Variants in IL11RA observed in about 807,000 individuals in gnomAD.
The protein encoded by IL11RA is interleukin-11 receptor subunit alpha.
Under a neutral mutation model 57.0 loss-of-function variants are expected in IL11RA, and 51 were observed. That is an observed-to-expected ratio of 0.89 (90% CI 0.71 to 1.13). The LOEUF (loss-of-function observed/expected upper bound fraction) is 1.13, where lower values mean the gene tolerates loss of function less well. IL11RA is among the 50% of genes most tolerant of loss of function. The pLI, the probability that IL11RA is intolerant of heterozygous loss-of-function variation, is 0.00. For synonymous variants in IL11RA, 199 were observed against 217.5 expected (o/e 0.91, Z 0.75); for missense variants, 498 against 539.4 (o/e 0.92, Z 0.76).
intron 11 of IL11RA, 68 bp from the exon 12 acceptor site, chr9:34,660,786 A>G: frequency 7.0e-7 from 1 of 1,428,184 alleles, no homozygotes; most frequent in Non-Finnish European, 9.9e-7. Flanking sequence ...CCCTTTACTA[A>G]TAAACCCTTT....
Position 34,661,699 on chromosome 9 carries a change from G to GAA in IL11RA, c.*201_*202insAA. The GAA allele has an allele frequency of 1.4e-6, 1 of 732,106 alleles. No homozygotes were observed. The highest frequency in any genetic ancestry group is 2.4e-6 in the Non-Finnish European group (1 of 420,286). 45.4% of individuals were successfully genotyped at this position (732,106 alleles called of 1,614,324 possible). ...GATTTCACCCCAGAGTTGGAGTTCT[G>GAA]CTCAAGGAACGTGTGTAATGTGTAC... is the stretch of plus-strand genomic sequence containing the variant. On this transcript the variant is annotated 3_prime_UTR_variant, in exon 13 of 13. Coordinates refer to ENST00000441545, the MANE Select transcript of IL11RA (RefSeq NM_001142784.3).
intron 1 of IL11RA, 30 bp from the exon 2 acceptor site, chr9:34,655,188 G>C: frequency 6.6e-7 from 1 of 1,506,352 alleles, no homozygotes; most frequent in Non-Finnish European, 9.2e-7. Flanking sequence ...CTCAGGGGTC[G>C]GGGATTTTTG....
Position 34,658,435 on chromosome 9 carries a change from C to A in IL11RA, c.647-85C>A. On this transcript the variant is annotated intron_variant, in intron 7 of 12. Transcript: ENST00000441545. This position sits in a 1 kb window ranked among gnomAD's most constrained non-coding sequence, Gnocchi z 4.0. The stretch of plus-strand genomic sequence containing the variant: ...CCCTCTCAGGAGTGTCTGGCTAAGG[C>A]TCCTTTAAACACACACTTTGGGAAG... 2 of 1,368,038 alleles carry A rather than the reference C, an allele frequency of 1.5e-6. No homozygotes were observed. Among genetic ancestry groups the A allele is most frequent in the Non-Finnish European group, 1.0e-6 (1 of 956,046 alleles). 84.7% of individuals were successfully genotyped at this position (1,368,038 alleles called of 1,614,324 possible). A position where few individuals can be genotyped will look rare whatever the true frequency, so the allele number is the denominator to read the frequency against.
In IL11RA at chr9:34,661,796, G is replaced by A. The variant is rs1821463003; in HGVS notation, c.*298G>A. The A allele has an allele frequency of 1.2e-6, 1 of 869,346 alleles. No individual in the cohort carries two copies. The allele number at this position is 869,346 out of a possible 1,614,324, so 53.9% of individuals were successfully genotyped here. A position where few individuals can be genotyped will look rare whatever the true frequency, so the allele number is the denominator to read the frequency against. ...ATTCTCTGCATGCATGTATGTAGGT[G>A]CCTGGGGAGTGTGTGTGGGTCCTTG... On this transcript the variant is annotated 3_prime_UTR_variant, in exon 13 of 13. Transcript: ENST00000441545.
rs1396346676 is a variant in IL11RA at position 34,656,880 on chromosome 9, TGGG to T, written c.306_308del (p.Gly103del). 2.1e-5 allele frequency: 34 copies of T among 1,613,988 alleles called. No individual in the cohort carries two copies. The highest frequency in any genetic ancestry group is 2.7e-5 in the Non-Finnish European group (32 of 1,180,022). On this transcript the variant is annotated inframe_deletion, in exon 4 of 13. Coordinates refer to ENST00000441545, the MANE Select transcript of IL11RA (RefSeq NM_001142784.3). ...TCTGCCAGACCCTGGATGGTGCACT[TGGG>T]GGCACAGTGACCCTGCAGCTGGGCT...
intron 11 of IL11RA, 124 bp downstream of exon 11, chr9:34,660,724 C>A: frequency 8.6e-7 from 1 of 1,156,584 alleles, no homozygotes; most frequent in Non-Finnish European, 1.3e-6. Context: ...AACTACCTCC[C>A]CATACCTCCA....
chr9:34,655,938 G>A (rs1279454646), intron 3 of IL11RA: 1 of 512,358 alleles, frequency 2.0e-6, no homozygotes, highest in Non-Finnish European at 3.6e-6. Flanking sequence ...TCTTAGTGGG[G>A]AAGACAATAA....
chr9:34,656,023 C>A, intron 3 of IL11RA: 1 of 335,110 alleles, frequency 3.0e-6, no homozygotes, highest in Non-Finnish European at 5.8e-6. Flanking sequence ...AAGAGGACAA[C>A]TGAGTGGTTA....
Position 34,660,516 on chromosome 9 carries a change from C to A in IL11RA, c.1085C>A (p.Ser362Tyr). The A allele has an allele frequency of 1.2e-6, 2 of 1,614,154 alleles. No individual in the cohort carries two copies. Among genetic ancestry groups the A allele is most frequent in the Non-Finnish European group, 1.7e-6 (2 of 1,179,970 alleles). Reference protein sequence around the residue: ...PHPRLLDHRDSVEQVAVLASL... With the variant: ...PHPRLLDHRDYVEQVAVLASL... ...CCCTCCCCCTCAGATCACAGGGACT[C>A]TGTGGAGCAGGTAGCTGTGCTGGCG... Residue 362 changes from serine (S) to tyrosine (Y), a missense_variant, in exon 11 of 13, where the codon TCT becomes TAT. Transcript: ENST00000441545.
Position 34,661,517 on chromosome 9 carries a change from G to C in IL11RA, c.*19G>C. The stretch of plus-strand genomic sequence containing the variant: ...CCTGTAGAGGACCCAGGAGGGCTTC[G>C]GCAGATTCCACCTATAATTCTGTCT... On this transcript the variant is annotated 3_prime_UTR_variant, in exon 13 of 13. Transcript: ENST00000441545. The C allele has an allele frequency of 6.2e-7, 1 of 1,613,178 alleles. No individual in the cohort carries two copies. Among genetic ancestry groups the C allele is most frequent in the Non-Finnish European group, 8.5e-7 (1 of 1,179,304 alleles).
Position 34,661,473 on chromosome 9 carries a change from T to C in IL11RA, c.1253-9T>C, listed in dbSNP as rs188353240. On this transcript the variant is annotated splice_polypyrimidine_tract_variant and intron_variant, in intron 12 of 12. Transcript: ENST00000441545. The stretch of plus-strand genomic sequence containing the variant: ...CTGTCTCTCCTGATTTGCCTCCTGC[T>C]TCTTCTAGGAGCTCCAAACCTGTAG... The C allele has an allele frequency of 4.3e-5, 70 of 1,613,518 alleles. No homozygotes were observed. Among genetic ancestry groups the C allele is most frequent in the Admixed American group, 1.0e-4 (6 of 59,996 alleles).
At position 34,660,287 on chromosome 9, in the gene IL11RA, G is replaced by A. The variant is rs1228110585; in HGVS notation, c.966G>A (p.Lys322=). 1 of 1,614,122 alleles carries A rather than the reference G, an allele frequency of 6.2e-7. No homozygotes were observed. The highest frequency in any genetic ancestry group is 2.2e-5 in the East Asian group (1 of 44,894). Residue 322 remains lysine, a synonymous_variant, in exon 10 of 13, where the codon AAG becomes AAA. Coordinates refer to ENST00000441545, the MANE Select transcript of IL11RA (RefSeq NM_001142784.3). ...WGTPSTGTIP[K]EIPAWGQLHT... ...GCCTTCCTTTAGGGACCATACCAAA[G>A]GAGATACCAGCATGGGGCCAGCTAC...
chr9:34,658,450 A>C lies in IL11RA; in HGVS notation c.647-70A>C. 1 of 1,509,698 alleles carries C rather than the reference A, an allele frequency of 6.6e-7. No individual in the cohort carries two copies. The highest frequency in any genetic ancestry group is 9.2e-7 in the Non-Finnish European group (1 of 1,084,896). 93.5% of individuals were successfully genotyped at this position (1,509,698 alleles called of 1,614,324 possible). On this transcript the variant is annotated intron_variant, in intron 7 of 12. Transcript: ENST00000441545. This position sits in a 1 kb window ranked among gnomAD's most constrained non-coding sequence, Gnocchi z 4.0. ...CTGGCTAAGGCTCCTTTAAACACAC[A>C]CTTTGGGAAGTGGTGGGGAAGTGAT...
chr9:34,656,976 C>T (rs950183315), intron 4 of IL11RA, 59 bp from the exon 5 acceptor site: 3 of 1,611,328 alleles, frequency 1.9e-6, no homozygotes, highest in Non-Finnish European at 2.5e-6. Context: ...TAAGTAAGCC[C>T]TCTGGGACCA....
rs1821382511 is a variant in IL11RA, at chr9:34,658,133, T to C, written c.647-387T>C. Reference sequence around the variant, plus strand: ...TTGGCTCACTGAAGCCTGCAACTCCTGGGCTCAAGCTATCCCCTCACCTCA... The same window carrying C: ...TTGGCTCACTGAAGCCTGCAACTCCCGGGCTCAAGCTATCCCCTCACCTCA... On this transcript the variant is annotated intron_variant, in intron 7 of 12. Transcript: ENST00000441545. The surrounding 1 kb of genome is among the most constrained non-coding windows in gnomAD (Gnocchi z 4.0). 6.6e-6 allele frequency among the ~76,000 whole-genome samples: 1 copy of C among 152,166 alleles called. No individual in the cohort carries two copies. Among genetic ancestry groups the C allele is most frequent in the Admixed American group, 6.5e-5 (1 of 15,278 alleles).
intron 8 of IL11RA, among the ~76,000 whole-genome samples, chr9:34,659,175 G>A (rs142495922): frequency 1.6e-4 from 25 of 152,136 alleles, no homozygotes; most frequent in African/African-American, 6.0e-4. Context: ...TGCCCACCTC[G>A]GCCTCCCAAA....
intron 3 of IL11RA, among the ~76,000 whole-genome samples, chr9:34,656,494 TC>T (rs1165407585): frequency 6.6e-6 from 1 of 151,976 alleles, no homozygotes; most frequent in Non-Finnish European, 1.5e-5. Flanking sequence ...GGGAATGAGC[TC>T]AATACCCCCG....
rs761590275 is a variant in IL11RA, at chr9:34,658,661, C to T, written c.788C>T (p.Ala263Val). 18 of 1,613,424 alleles carry T rather than the reference C, an allele frequency of 1.1e-5. No individual in the cohort carries two copies. The highest frequency in any genetic ancestry group is 2.7e-5 in the African/African-American group (2 of 74,946). The change falls in exon 8 of 13, where the codon GCG (alanine) becomes GTG (valine). Residue 263 changes from alanine to valine, a missense_variant. Transcript: ENST00000441545. This position sits in a 1 kb window ranked among gnomAD's most constrained non-coding sequence, Gnocchi z 4.0. ...AAGTTCCGTTTGCAGTACCGTCCGG[C>T]GCAGCATCCAGCCTGGTCCACGGTG... is the stretch of plus-strand genomic sequence containing the variant. ...LLKFRLQYRP[A>V]QHPAWSTVEP...
chr9:34,655,764 C>A (rs567243422), intron 3 of IL11RA, 99 bp downstream of exon 3: 12 of 961,922 alleles, frequency 1.2e-5, no homozygotes, highest in East Asian at 2.5e-5. Context: ...CCGCTCTGTC[C>A]GTAATCCTCA....
Sources: allele counts gnomAD v4.1 joint callset (sites outside exome capture counted in the v4.1 genomes callset), GRCh38; gene constraint gnomAD v4.1.1; non-coding constraint Gnocchi (gnomAD v3.1); transcripts MANE v1.5; gene names NCBI Gene and HGNC (gene_info 2026-07-23, HGNC 2026-07-21).